Variants in FBXW8 observed in about 807,000 individuals in gnomAD.
FBXW8 encodes the protein F-box/WD repeat-containing protein 8.
Under a neutral mutation model 65.3 loss-of-function variants are expected in FBXW8, and 57 were observed. That is an observed-to-expected ratio of 0.87 (90% CI 0.71 to 1.09). FBXW8 has a LOEUF of 1.09. Among genes scored for constraint, FBXW8 ranks in the 50% least tolerant of loss-of-function variants. The pLI is 0.00. For missense variants in FBXW8, 777 were observed against 814.8 expected (o/e 0.95, Z 0.57); for synonymous variants, 308 against 330.2 (o/e 0.93, Z 0.73).
chr12:117,016,051 TA>T (rs1953940690), intron 8 of FBXW8, among the ~76,000 whole-genome samples: 1 of 152,266 alleles, frequency 6.6e-6, no homozygotes, highest in Non-Finnish European at 1.5e-5. Context: ...CTTGTACAGA[TA>T]TACTACATTT....
intron 2 of FBXW8, among the ~76,000 whole-genome samples, chr12:116,938,699 T>C (rs988696443): frequency 6.6e-6 from 1 of 152,244 alleles, no homozygotes; most frequent in South Asian, 2.1e-4. Context: ...TGAGATTTTC[T>C]AGTTTGTAAT....
intron 2 of FBXW8, among the ~76,000 whole-genome samples, chr12:116,930,126 A>G (rs923192263): frequency 1.4e-4 from 22 of 152,334 alleles, no homozygotes; most frequent in African/African-American, 4.3e-4. Flanking sequence ...TAATGTTGCA[A>G]TGAGCCTGGC....
In FBXW8 at chr12:117,027,513, T is replaced by C; in HGVS notation, c.1652+9T>C. On this transcript the variant is annotated intron_variant, in intron 10 of 10. Transcript: ENST00000652555. ...TTCACTACTCACAGGAGGTTAGTGG[T>C]GGGGCCGGGCGAGTAAGAGACCATC... The C allele has an allele frequency of 1.9e-6, 3 of 1,609,838 alleles. No homozygotes were observed. The highest frequency in any genetic ancestry group is 2.6e-6 in the Non-Finnish European group (3 of 1,176,250).
intron 7 of FBXW8, among the ~76,000 whole-genome samples, chr12:116,993,097 A>AC (rs1250322149): frequency 6.1e-5 from 5 of 81,374 alleles, no homozygotes; most frequent in African/African-American, 1.5e-4. Context: ...TTGATTTTTG[A>AC]CTTTTTTTTT....
Position 117,027,262 on chromosome 12 carries a change from G to A in FBXW8, c.1542-132G>A. ...GAGACACTGCTTCCATGGGGGCCCT[G>A]TTCCCTCTGTGAAAGAGAAGCTTAG... On this transcript the variant is annotated intron_variant, in intron 9 of 10. Coordinates refer to ENST00000652555, the MANE Select transcript of FBXW8 (RefSeq NM_153348.3). The A allele has an allele frequency of 1.1e-5, 8 of 705,382 alleles. No individual in the cohort carries two copies. The South Asian group carries it at 1.2e-4, about 10-fold the overall frequency. 43.7% of individuals were successfully genotyped at this position (705,382 alleles called of 1,614,324 possible). A position where few individuals can be genotyped will look rare whatever the true frequency, so the allele number is the denominator to read the frequency against.
chr12:117,005,628 C>T (rs1477144082), intron 7 of FBXW8, among the ~76,000 whole-genome samples: 5 of 152,228 alleles, frequency 3.3e-5, no homozygotes, highest in Admixed American at 3.3e-4. Context: ...TGTCGAAACA[C>T]CACGTGATGC....
At chr12:116,977,913 T>A (rs1885057218) in intron 5 of FBXW8, 1 of 152,282 alleles carries the variant, frequency 6.6e-6, no homozygotes, top group South Asian at 2.1e-4. Flanking sequence ...TTTCAGGTGT[T>A]CTTTCTGCTT....
At chr12:117,024,471 C>G (rs1055436478) in intron 9 of FBXW8, 151 bp downstream of exon 9, 17 of 822,226 alleles carry the variant, frequency 2.1e-5, no homozygotes, top group Non-Finnish European at 3.2e-5. Context: ...CAGCTGCTGT[C>G]CCAGCACCGC....
At chr12:116,932,131 G>A (rs979862466) in intron 2 of FBXW8, among the ~76,000 whole-genome samples, 1 of 152,068 alleles carries the variant, frequency 6.6e-6, no homozygotes, top group African/African-American at 2.4e-5. Context: ...TTAATGCATT[G>A]TATTACATTT....
intron 6 of FBXW8, 96 bp from the exon 7 acceptor site, chr12:116,988,567 G>T: frequency 1.9e-6 from 2 of 1,054,052 alleles, no homozygotes; most frequent in African/African-American, 1.6e-5. Context: ...TTTCTGTTGG[G>T]TTGCTGGTCT....
chr12:116,971,935 T>C (rs61936997), intron 5 of FBXW8, among the ~76,000 whole-genome samples: 16,599 of 152,232 alleles, frequency 0.11, 1,179 homozygotes, highest in Middle Eastern at 0.16. Context: ...TAAGAAACAC[T>C]GGAAAGGCAC....
chr12:116,966,406 A>G (rs1390829283), intron 5 of FBXW8, among the ~76,000 whole-genome samples: 1 of 152,202 alleles, frequency 6.6e-6, no homozygotes, highest in Non-Finnish European at 1.5e-5. Flanking sequence ...TCTTCTACAG[A>G]TGGGGAAACA....
intron 7 of FBXW8, among the ~76,000 whole-genome samples, chr12:116,989,574 TTGAG>T (rs1254375224): frequency 2.0e-5 from 3 of 152,254 alleles, no homozygotes; most frequent in Non-Finnish European, 2.9e-5. Context: ...TGGAAATTCT[TTGAG>T]TGATGACTAA....
chr12:117,023,044 GT>G (rs772285785), intron 8 of FBXW8, among the ~76,000 whole-genome samples: 4 of 152,166 alleles, frequency 2.6e-5, no homozygotes, highest in Non-Finnish European at 4.4e-5. Context: ...TTCACTTTGA[GT>G]CCTTTTCTGT....
At chr12:116,979,185 C>T (rs1020965290) in intron 5 of FBXW8, 15 of 152,332 alleles carry the variant, frequency 9.8e-5, no homozygotes, top group African/African-American at 3.1e-4. Flanking sequence ...TTCCAGATAT[C>T]GAGTAATCTT....
chr12:116,985,792 T>G lies in FBXW8; in HGVS notation c.1032+390T>G, dbSNP rs201715077. On this transcript the variant is annotated intron_variant, in intron 6 of 10. Transcript: ENST00000652555. ...ATAAGTGAGAATGAGTTCAGTGGTG[T>G]TATCCCAGTCCATCTGGGAAGGAAG... 1.3e-4 allele frequency: 21 copies of G among 161,486 alleles called. No homozygotes were observed. The East Asian group carries it at 2.5e-3, about 19-fold the overall frequency. 10.0% of individuals were successfully genotyped at this position (161,486 alleles called of 1,614,324 possible).
At chr12:116,976,450 CTT>C (rs35364851) in intron 5 of FBXW8, among the ~76,000 whole-genome samples, 685 of 64,660 alleles carry the variant, frequency 0.011, 4 homozygotes, top group Middle Eastern at 0.075. Context: ...CCAAAGGATC[CTT>C]TTTTTTTTTT....
chr12:116,935,905 A>AC (rs1157852173), intron 2 of FBXW8, among the ~76,000 whole-genome samples: 2 of 152,222 alleles, frequency 1.3e-5, no homozygotes, highest in African/African-American at 4.8e-5. Context: ...AAAAAGTTGG[A>AC]CTTACACTTT....
intron 6 of FBXW8, chr12:116,987,221 A>G (rs1440746473): frequency 6.6e-6 from 1 of 152,298 alleles, no homozygotes; most frequent in Non-Finnish European, 1.5e-5. Context: ...CGCTCCCTCC[A>G]GCTCTTCTGG....
Sources: allele counts gnomAD v4.1 joint callset (sites outside exome capture counted in the v4.1 genomes callset), GRCh38; gene constraint gnomAD v4.1.1; transcripts MANE v1.5; gene names NCBI Gene and HGNC (gene_info 2026-07-23, HGNC 2026-07-21).